Variants in DOCK9 observed in about 807,000 individuals in gnomAD.
DOCK9 encodes the protein dedicator of cytokinesis 9.
A neutral mutation model predicts 263.3 loss-of-function variants in DOCK9; 89 were observed. That is an observed-to-expected ratio of 0.34 (90% CI 0.28 to 0.40). The LOEUF (loss-of-function observed/expected upper bound fraction) is 0.40, where lower values mean the gene tolerates loss of function less well. Ranked by LOEUF, DOCK9 falls within the 10% of genes least tolerant of loss-of-function variation. The pLI is 1.00. For missense variants in DOCK9, 2,140 were observed against 2,603.4 expected (o/e 0.82, Z 3.87); for synonymous variants, 976 against 973.1 (o/e 1.00, Z -0.06).
chr13:98,797,071 C>T, intron 52 of DOCK9, 44 bp downstream of exon 52: 1 of 1,612,456 alleles, frequency 6.2e-7, no homozygotes, highest in Non-Finnish European at 8.5e-7. Context: ...ACTTGAAACC[C>T]CTAACCAAGA....
At chr13:98,945,894 G>A (rs1294073485) in intron 2 of DOCK9, among the ~76,000 whole-genome samples, 2 of 152,208 alleles carry the variant, frequency 1.3e-5, no homozygotes, top group East Asian at 1.9e-4. Context: ...AAGGTAGAGA[G>A]GACCAGCAAG....
chr13:98,803,519 G>T (rs1420790367), intron 49 of DOCK9, among the ~76,000 whole-genome samples: 1 of 152,158 alleles, frequency 6.6e-6, no homozygotes, highest in Non-Finnish European at 1.5e-5. Flanking sequence ...TCGGAGGTGG[G>T]GACCTGGAAC....
chr13:98,962,233 G>A (rs879294405), intron 1 of DOCK9, among the ~76,000 whole-genome samples: 1 of 152,218 alleles, frequency 6.6e-6, no homozygotes, highest in Admixed American at 6.5e-5. Context: ...GGTGTATCTA[G>A]AGGTTCATTG....
chr13:98,959,298 C>T (rs1392700923), intron 1 of DOCK9: 1 of 152,200 alleles, frequency 6.6e-6, no homozygotes, highest in African/African-American at 2.4e-5. Flanking sequence ...CATGCAGTAC[C>T]ATGACCAGGA....
Position 98,881,993 on chromosome 13 carries a change from C to A in DOCK9, c.2574G>T (p.Met858Ile). The A allele has an allele frequency of 1.3e-6, 2 of 1,590,278 alleles. No individual in the cohort carries two copies. Among genetic ancestry groups the A allele is most frequent in the East Asian group, 2.3e-5 (1 of 43,912 alleles). The part of the protein sequence containing the change: ...LVKYLKSLHA[M>I]EGHVMIAFLP... Reference sequence around the variant, plus strand: ...AGAAGGCGATCATCACGTGGCCTTCCATCGCATGCAGACTCTACGGACACA... The same window carrying A: ...AGAAGGCGATCATCACGTGGCCTTCAATCGCATGCAGACTCTACGGACACA... The change falls in exon 24 of 53, where the codon ATG (methionine) becomes ATT (isoleucine). Residue 858 changes from methionine (M) to isoleucine (I), a missense_variant. By Grantham distance (10) the Met-to-Ile change is conservative. This residue lies in a region of DOCK9 where 1,521 missense variants were observed against 1,741.7 expected (regional missense o/e 0.87). Transcript: ENST00000682017.
rs554936961 is a variant in DOCK9 at position 99,025,409 on chromosome 13, T to G, written c.129+60814A>C. 5 of 152,064 alleles carry G rather than the reference T, an allele frequency of 3.3e-5. No individual in the cohort carries two copies. The East Asian group carries it at 9.7e-4, about 29-fold the overall frequency. The allele number at this position is 152,064 out of a possible 1,614,324, so 9.4% of individuals were successfully genotyped here. ...CAAAAAAAAGATGACAATAAGCAAG[T>G]GAAGAATCATTGGGGAAATGCAAGT... On this transcript the variant is annotated intron_variant, in intron 1 of 32. Transcript: ENST00000427887.
At chr13:99,060,969 T>C (rs1323731158) in intron 1 of DOCK9, among the ~76,000 whole-genome samples, 1 of 152,262 alleles carries the variant, frequency 6.6e-6, no homozygotes, top group Non-Finnish European at 1.5e-5. Flanking sequence ...GAGCCTTCAC[T>C]TTCCCTTTAC....
chr13:99,006,680 T>C (rs1883388480), intron 1 of DOCK9, among the ~76,000 whole-genome samples: 1 of 152,238 alleles, frequency 6.6e-6, no homozygotes. Context: ...AGTTTTGGTT[T>C]CTGGGCTGTG....
chr13:98,999,047 T>C (rs1218705874), intron 1 of DOCK9, among the ~76,000 whole-genome samples: 1 of 152,090 alleles, frequency 6.6e-6, no homozygotes, highest in African/African-American at 2.4e-5. Flanking sequence ...ATGATTTGTA[T>C]CATCTCCCCC....
chr13:98,848,994 T>C (rs1373634145), intron 36 of DOCK9, among the ~76,000 whole-genome samples: 1 of 152,242 alleles, frequency 6.6e-6, no homozygotes, highest in African/African-American at 2.4e-5. Flanking sequence ...CCATGCACAC[T>C]GTTCCAAGTT....
At chr13:98,846,684 C>G (rs1480757820) in intron 37 of DOCK9, 1 of 594,430 alleles carries the variant, frequency 1.7e-6, no homozygotes, top group Non-Finnish European at 2.9e-6. Context: ...CACCTGTCCC[C>G]TGTCCCGGAG....
chr13:99,037,568 A>G (rs936548189), intron 1 of DOCK9, among the ~76,000 whole-genome samples: 3 of 152,242 alleles, frequency 2.0e-5, no homozygotes, highest in African/African-American at 7.2e-5. Context: ...TGTAAAAAGT[A>G]TACATTTACC....
chr13:99,007,171 C>T (rs557552853), intron 1 of DOCK9, among the ~76,000 whole-genome samples: 11 of 152,004 alleles, frequency 7.2e-5, no homozygotes, highest in East Asian at 1.9e-4. Context: ...GGGTGGATCA[C>T]GAGGTCAGGA....
intron 1 of DOCK9, among the ~76,000 whole-genome samples, chr13:99,005,149 A>G (rs1245229955): frequency 6.6e-6 from 1 of 152,160 alleles, no homozygotes; most frequent in Non-Finnish European, 1.5e-5. Context: ...CTTTCATCAA[A>G]ATGCCCCAGA....
intron 9 of DOCK9, among the ~76,000 whole-genome samples, chr13:98,909,234 C>T (rs2049617141): frequency 6.6e-6 from 1 of 152,136 alleles, no homozygotes; most frequent in South Asian, 2.1e-4. Flanking sequence ...AAGGGCGATT[C>T]CCCCACCCCA....
intron 3 of DOCK9, among the ~76,000 whole-genome samples, chr13:98,926,559 G>A (rs1682023603): frequency 6.6e-6 from 1 of 152,130 alleles, no homozygotes; most frequent in African/African-American, 2.4e-5. Flanking sequence ...AAACTACCTC[G>A]CCACATGACA....
In DOCK9 at chr13:98,819,074, T is replaced by C. The variant is rs185957759; in HGVS notation, c.5130+5324A>G. Among the ~76,000 whole-genome samples the C allele has an allele frequency of 5.4e-3, 827 of 152,330 alleles. 7 individuals carry two copies. Among genetic ancestry groups the C allele is most frequent in the Non-Finnish European group, 6.5e-3 (441 of 68,024 alleles). On this transcript the variant is annotated intron_variant, in intron 45 of 52. Transcript: ENST00000682017. ...ATCACAGCATAATGCACATTTCTAC[T>C]ATATCATCATTTCCCAAGGTACAGT...
rs2141327738 is a variant in DOCK9, at chr13:98,845,065, C to T, written c.4198+859G>A. ...AATGATCTCATCAATTTTTCACGTG[C>T]TGTATGGTTGATATCTTTCAGGTGT... On this transcript the variant is annotated intron_variant, in intron 38 of 52. Transcript: ENST00000682017. Among the ~76,000 whole-genome samples, 3 of 152,274 alleles carry T rather than the reference C, an allele frequency of 2.0e-5. No homozygotes were observed. The South Asian group carries it at 6.2e-4, about 32-fold the overall frequency.
At chr13:98,934,292 C>G (rs1188586350) in intron 2 of DOCK9, among the ~76,000 whole-genome samples, 1 of 152,148 alleles carries the variant, frequency 6.6e-6, no homozygotes, top group Non-Finnish European at 1.5e-5. Context: ...CTTGAGACCA[C>G]CATGGTGACA....
Sources: allele counts gnomAD v4.1 joint callset (sites outside exome capture counted in the v4.1 genomes callset), GRCh38; gene constraint gnomAD v4.1.1; regional missense constraint gnomAD v4.1.1; transcripts MANE v1.5; gene names NCBI Gene and HGNC (gene_info 2026-07-23, HGNC 2026-07-21).